NALCN: variants seen among roughly 807,000 people sequenced by gnomAD.
NALCN encodes sodium leak channel, non-selective.
NALCN carries 111 observed loss-of-function variants against 225.3 expected under a neutral mutation model. The ratio of observed to expected loss-of-function variants is 0.49; its 90% CI spans 0.42 to 0.58. NALCN has a LOEUF of 0.58. NALCN is among the 20% of genes least tolerant of loss of function. NALCN has a pLI of 0.00. For synonymous variants in NALCN, 764 were observed against 769.0 expected, an observed-to-expected ratio of 0.99 and a Z score of 0.11; for missense variants, 1,378 against 2,202.4, an observed-to-expected ratio of 0.63 and a Z score of 7.49.
At chr13:101,312,813 C>A (rs1277756459) in intron 7 of NALCN, among the ~76,000 whole-genome samples, 3 of 152,188 alleles carry the variant, frequency 2.0e-5, no homozygotes, top group East Asian at 1.9e-4. Flanking sequence ...ACTTTCTTCA[C>A]AGAACTGGAA....
At chr13:101,065,281 C>T (rs898797901) in intron 40 of NALCN, 123 bp downstream of exon 40, 23 of 1,048,158 alleles carry the variant, frequency 2.2e-5, no homozygotes, top group African/African-American at 1.3e-4. Flanking sequence ...CCCCACTTCA[C>T]GACCACAGCA....
At chr13:101,117,614 C>T (rs1472398792) in intron 18 of NALCN, among the ~76,000 whole-genome samples, 1 of 152,194 alleles carries the variant, frequency 6.6e-6, no homozygotes, top group African/African-American at 2.4e-5. Context: ...TAGAATCATA[C>T]AGTATGTAGA....
chr13:101,315,065 A>G (rs558970), intron 7 of NALCN, among the ~76,000 whole-genome samples: 62,035 of 152,048 alleles, frequency 0.41, 13,022 homozygotes, highest in Middle Eastern at 0.47. Context: ...ACAAAAATAA[A>G]TAATCATTAT....
intron 11 of NALCN, among the ~76,000 whole-genome samples, chr13:101,244,808 A>G (rs1437854869): frequency 6.6e-6 from 1 of 152,224 alleles, no homozygotes; most frequent in Non-Finnish European, 1.5e-5. Context: ...GAGGACTATA[A>G]TAGTTCAGAA....
intron 15 of NALCN, among the ~76,000 whole-genome samples, chr13:101,167,123 T>C (rs1277444621): frequency 6.6e-6 from 1 of 152,248 alleles, no homozygotes; most frequent in African/African-American, 2.4e-5. Context: ...TTTATCTTTG[T>C]AATATGTTTT....
rs1283380196 is a variant in NALCN at position 101,073,591 on chromosome 13, T to C, written c.4190A>G (p.Asp1397Gly). 1 of 1,612,302 alleles carries C rather than the reference T, an allele frequency of 6.2e-7. No homozygotes were observed. Among genetic ancestry groups the C allele is most frequent in the Non-Finnish European group, 8.5e-7 (1 of 1,178,770 alleles). The change falls in exon 37 of 44, where the codon GAC becomes GGC. Residue 1397 changes from aspartate (D) to glycine (G), a missense_variant. By Grantham distance (94) the Asp-to-Gly change is moderately conservative. Transcript: ENST00000251127. The stretch of plus-strand genomic sequence containing the variant: ...ATGATGAGAGATATTTACCATACAG[T>C]CATGCATAATCTTGTTCCAGTCTTC... ...TGEDWNKIMH[D>G]CMVQPPFCTP...
chr13:101,163,353 C>T (rs900559850), intron 15 of NALCN, among the ~76,000 whole-genome samples: 2 of 152,150 alleles, frequency 1.3e-5, no homozygotes, highest in Non-Finnish European at 2.9e-5. Context: ...TGTGTAGTTT[C>T]ATGTTTGTTC....
intron 11 of NALCN, among the ~76,000 whole-genome samples, chr13:101,252,909 C>T (rs1055163029): frequency 1.9e-4 from 29 of 152,030 alleles, no homozygotes; most frequent in African/African-American, 6.0e-4. Context: ...GAAGATAAAG[C>T]TTTTAATCTC....
At chr13:101,182,849 C>T (rs569045269) in intron 14 of NALCN, among the ~76,000 whole-genome samples, 9 of 152,304 alleles carry the variant, frequency 5.9e-5, no homozygotes, top group African/African-American at 1.7e-4. Flanking sequence ...GTTCTTTTCT[C>T]ACAGACTCTA....
intron 3 of NALCN, among the ~76,000 whole-genome samples, chr13:101,387,564 T>A (rs2047032696): frequency 6.6e-6 from 1 of 152,190 alleles, no homozygotes; most frequent in Non-Finnish European, 1.5e-5. Flanking sequence ...CAGCACATAT[T>A]TGCAAATTAT....
At chr13:101,229,366 A>G (rs753060984) in intron 13 of NALCN, 27 bp downstream of exon 13, 1 of 1,493,812 alleles carries the variant, frequency 6.7e-7, no homozygotes, top group Admixed American at 2.4e-5. Context: ...CAATGAATTT[A>G]ACTTACTGCA....
intron 3 of NALCN, among the ~76,000 whole-genome samples, chr13:101,387,246 A>AC (rs1306317675): frequency 2.0e-5 from 3 of 150,258 alleles, no homozygotes; most frequent in Admixed American, 6.6e-5. Context: ...AAAAAAAAAA[A>AC]AAAAAAAACA....
At chr13:101,373,659 C>T (rs61973707) in intron 6 of NALCN, among the ~76,000 whole-genome samples, 32,633 of 152,070 alleles carry the variant, frequency 0.21, 3,645 homozygotes, top group Non-Finnish European at 0.24. Context: ...TCCCACTTAA[C>T]GGAAATACTG....
At chr13:101,320,942 A>G (rs1380091901) in intron 7 of NALCN, among the ~76,000 whole-genome samples, 7 of 152,156 alleles carry the variant, frequency 4.6e-5, no homozygotes, top group Non-Finnish European at 8.8e-5. Context: ...AAGGGCAATG[A>G]GATTTGCCAG....
At chr13:101,302,989 G>A (rs1175239699) in intron 7 of NALCN, among the ~76,000 whole-genome samples, 3 of 151,982 alleles carry the variant, frequency 2.0e-5, no homozygotes, top group Non-Finnish European at 4.4e-5. Flanking sequence ...AGAAAGCTCT[G>A]TACTGTATAT....
At chr13:101,251,695 G>A (rs1290622378) in intron 11 of NALCN, among the ~76,000 whole-genome samples, 3 of 152,058 alleles carry the variant, frequency 2.0e-5, no homozygotes, top group African/African-American at 7.2e-5. Context: ...AATACACAAA[G>A]GCTAATGGTT....
At position 101,304,517 on chromosome 13, in the gene NALCN, T is replaced by C. The variant is rs544945788; in HGVS notation, c.800-12151A>G. Among the ~76,000 whole-genome samples the C allele has an allele frequency of 7.9e-5, 12 of 151,734 alleles. No homozygotes were observed. In the South Asian group the frequency reaches 1.7e-3, roughly 21 times the overall value. On this transcript the variant is annotated intron_variant, in intron 7 of 43. Transcript: ENST00000251127. Reference sequence around the variant, plus strand: ...TGTCACCCAGGATGGAATGCAGTGGTGCCATCTCGGCTCACTTCAATCTCC... The same window carrying C: ...TGTCACCCAGGATGGAATGCAGTGGCGCCATCTCGGCTCACTTCAATCTCC...
intron 6 of NALCN, among the ~76,000 whole-genome samples, chr13:101,368,358 A>G (rs2046440076): frequency 6.6e-6 from 1 of 151,958 alleles, no homozygotes; most frequent in Non-Finnish European, 1.5e-5. Context: ...GCTGCATAGT[A>G]TTCCATGGTG....
At chr13:101,159,884 T>C (rs2139860147) in intron 15 of NALCN, among the ~76,000 whole-genome samples, 1 of 152,338 alleles carries the variant, frequency 6.6e-6, no homozygotes, top group South Asian at 2.1e-4. Context: ...AGGGAAGACA[T>C]TTCTCCAAAA....
Sources: allele counts gnomAD v4.1 joint callset (sites outside exome capture counted in the v4.1 genomes callset), GRCh38; gene constraint gnomAD v4.1.1; transcripts MANE v1.5; gene names NCBI Gene and HGNC (gene_info 2026-07-23, HGNC 2026-07-21).